MICU1: variants seen among roughly 807,000 people sequenced by gnomAD.
The protein encoded by MICU1 is calcium uptake protein 1, mitochondrial.
In MICU1, 45 loss-of-function variants were observed where a neutral mutation model predicts 56.8. That is an observed-to-expected ratio of 0.79 (90% CI 0.62 to 1.02). The LOEUF is 1.02. Ranked by LOEUF, MICU1 falls within the 50% of genes least tolerant of loss-of-function variation. The pLI is 0.00. For missense variants in MICU1, 504 were observed against 587.1 expected (o/e 0.86, Z 1.46); for synonymous variants, 186 against 195.1 (o/e 0.95, Z 0.39).
chr10:72,372,925 A>G (rs1207498922), intron 11 of MICU1, among the ~76,000 whole-genome samples: 2 of 151,790 alleles, frequency 1.3e-5, no homozygotes, highest in African/African-American at 2.4e-5. Flanking sequence ...AAAAAAAAAA[A>G]AAAAGAAAAA....
intron 8 of MICU1, among the ~76,000 whole-genome samples, chr10:72,426,674 A>G (rs1864358085): frequency 1.3e-5 from 2 of 152,204 alleles, no homozygotes; most frequent in Admixed American, 1.3e-4. Flanking sequence ...CTGGGATTAC[A>G]GGCATGAGCC....
chr10:72,460,525 A>C (rs1325772485), intron 8 of MICU1, among the ~76,000 whole-genome samples: 1 of 152,220 alleles, frequency 6.6e-6, no homozygotes, highest in African/African-American at 2.4e-5. Flanking sequence ...AATAATGAGA[A>C]ATAAAAGAGA....
At chr10:72,513,143 G>A (rs181927775) in intron 5 of MICU1, among the ~76,000 whole-genome samples, 2 of 152,230 alleles carry the variant, frequency 1.3e-5, no homozygotes, top group African/African-American at 2.4e-5. Context: ...AAAGTACTGC[G>A]ATTACAGCAC....
At chr10:72,530,785 C>T (rs1220841094) in intron 5 of MICU1, among the ~76,000 whole-genome samples, 1 of 152,158 alleles carries the variant, frequency 6.6e-6, no homozygotes, top group African/African-American at 2.4e-5. Flanking sequence ...TTCTCACTGA[C>T]TATCAGTTGA....
chr10:72,398,947 G>A (rs1863358014), intron 10 of MICU1, among the ~76,000 whole-genome samples: 1 of 152,078 alleles, frequency 6.6e-6, no homozygotes, highest in Non-Finnish European at 1.5e-5. Context: ...ATTTTATGAG[G>A]CCAACATCAC....
intron 1 of MICU1, among the ~76,000 whole-genome samples, chr10:72,606,644 C>A (rs1025242264): frequency 2.6e-5 from 4 of 151,822 alleles, no homozygotes; most frequent in Non-Finnish European, 5.9e-5. Context: ...CCTGGCAGCA[C>A]CTAAGAACTT....
At chr10:72,411,200 G>GAGA (rs1290017609) in intron 9 of MICU1, among the ~76,000 whole-genome samples, 2 of 152,162 alleles carry the variant, frequency 1.3e-5, no homozygotes, top group Non-Finnish European at 2.9e-5. Flanking sequence ...CTGGGAGGAG[G>GAGA]AGAATGAGGA....
intron 1 of MICU1, among the ~76,000 whole-genome samples, chr10:72,605,234 A>C (rs1177169329): frequency 6.6e-6 from 1 of 152,206 alleles, no homozygotes; most frequent in Non-Finnish European, 1.5e-5. Flanking sequence ...AGGAACTCCC[A>C]CCAGCGCCAG....
At chr10:72,437,118 A>C (rs1357868879) in intron 8 of MICU1, among the ~76,000 whole-genome samples, 1 of 152,182 alleles carries the variant, frequency 6.6e-6, no homozygotes, top group African/African-American at 2.4e-5. Flanking sequence ...GGTTAAAATG[A>C]AGGAAAAAGC....
At chr10:72,523,010 G>T (rs1188993108) in intron 5 of MICU1, among the ~76,000 whole-genome samples, 1 of 152,148 alleles carries the variant, frequency 6.6e-6, no homozygotes, top group Admixed American at 6.5e-5. Flanking sequence ...CTTAAACAGT[G>T]AAAGTTTAAA....
intron 3 of MICU1, among the ~76,000 whole-genome samples, chr10:72,562,145 A>ATTTTTT (rs1840312776): frequency 8.9e-5 from 7 of 78,528 alleles, no homozygotes; most frequent in Non-Finnish European, 1.6e-4. Context: ...ATTACATAAA[A>ATTTTTT]TCTTTTTTTT....
intron 11 of MICU1, among the ~76,000 whole-genome samples, chr10:72,374,571 A>G (rs1862452237): frequency 6.6e-6 from 1 of 152,198 alleles, no homozygotes; most frequent in East Asian, 1.9e-4. Flanking sequence ...TAAAAAGCTC[A>G]GGGAACCATG....
At chr10:72,605,700 G>A (rs770624008) in intron 1 of MICU1, among the ~76,000 whole-genome samples, 3 of 152,222 alleles carry the variant, frequency 2.0e-5, no homozygotes, top group Non-Finnish European at 2.9e-5. Context: ...AAGTATACAG[G>A]AGGATGTGCA....
intron 1 of MICU1, among the ~76,000 whole-genome samples, chr10:72,595,388 G>A (rs1841348981): frequency 6.8e-6 from 1 of 146,444 alleles, no homozygotes; most frequent in Non-Finnish European, 1.5e-5. Flanking sequence ...GGAGACGGAG[G>A]TTGCAGTGAG....
chr10:72,595,536 T>C (rs1001723206), intron 1 of MICU1, among the ~76,000 whole-genome samples: 4 of 144,488 alleles, frequency 2.8e-5, no homozygotes, highest in African/African-American at 7.7e-5. Flanking sequence ...AATGCCAAAA[T>C]GATAAGCAGA....
chr10:72,590,251 G>A (rs1279651806), intron 1 of MICU1, among the ~76,000 whole-genome samples: 4 of 152,066 alleles, frequency 2.6e-5, no homozygotes, highest in Non-Finnish European at 5.9e-5. Context: ...GAGAGCAGGC[G>A]TGGCTATACT....
chr10:72,503,587 T>A (rs1049280469), intron 6 of MICU1, among the ~76,000 whole-genome samples: 2 of 152,046 alleles, frequency 1.3e-5, no homozygotes, highest in Non-Finnish European at 2.9e-5. Flanking sequence ...TAAAGGCATG[T>A]TATAATCAAA....
intron 6 of MICU1, among the ~76,000 whole-genome samples, chr10:72,481,711 C>A (rs1388312663): frequency 1.3e-5 from 2 of 152,186 alleles, no homozygotes; most frequent in Non-Finnish European, 2.9e-5. Flanking sequence ...AGCGCCCACC[C>A]TGAAAAAGGA....
At chr10:72,486,575 G>C (rs1866482413) in intron 6 of MICU1, among the ~76,000 whole-genome samples, 1 of 152,202 alleles carries the variant, frequency 6.6e-6, no homozygotes, top group African/African-American at 2.4e-5. Context: ...GGGTTCAAGA[G>C]ATTCTCCTGA....
Sources: allele counts gnomAD v4.1 joint callset (sites outside exome capture counted in the v4.1 genomes callset), GRCh38; gene constraint gnomAD v4.1.1; transcripts MANE v1.5; gene names NCBI Gene and HGNC (gene_info 2026-07-23, HGNC 2026-07-21).